The following CAPN2 variants were observed in gnomAD, a reference collection of about 807,000 sequenced individuals.
CAPN2 encodes calpain 2.
CAPN2 carries 92 observed loss-of-function variants against 102.3 expected under a neutral mutation model. That is an observed-to-expected ratio of 0.90 (90% CI 0.76 to 1.07). The LOEUF (loss-of-function observed/expected upper bound fraction) is 1.07. Ranked by LOEUF, CAPN2 falls within the 50% of genes least tolerant of loss-of-function variation. The probability of loss-of-function intolerance (pLI) is 0.00; values close to 1 mark genes in which losing one functional copy is unlikely to be tolerated. For synonymous variants in CAPN2, 340 were observed against 355.4 expected (o/e 0.96, Z 0.49); for missense variants, 800 against 909.4 (o/e 0.88, Z 1.55).
chr1:223,712,840 C>G lies in CAPN2; in HGVS notation c.200C>G (p.Ser67Cys), dbSNP rs759008507. The G allele has an allele frequency of 9.0e-6, 14 of 1,559,070 alleles. No homozygotes were observed. Among genetic ancestry groups the G allele is most frequent in the South Asian group, 1.2e-5 (1 of 83,926 alleles). Residue 67 changes from serine to cysteine, a missense_variant, in exon 1 of 21, where the codon TCC becomes TGC. Physicochemically the swap from Ser to Cys is moderately radical, Grantham distance 112. Transcript: ENST00000295006. The stretch of plus-strand genomic sequence containing the variant: ...GGCTTCAAGGAGTTGGGGCCCTACT[C>G]CAGCAAAACCCGGGGCATCGAGTGG... ...ALGFKELGPY[S>C]SKTRGIEWKR...
chr1:223,712,746 C>T lies in CAPN2; in HGVS notation c.106C>T (p.Arg36Trp), dbSNP rs1659768575. 2 of 1,586,284 alleles carry T rather than the reference C, an allele frequency of 1.3e-6. No individual in the cohort carries two copies. The highest frequency in any genetic ancestry group is 1.4e-5 in the African/African-American group (1 of 72,706). ...KYLNQDYEAL[R>W]NECLEAGTLF... ...CCTCAACCAGGACTACGAGGCGCTG[C>T]GGAACGAGTGCCTGGAGGCCGGGAC... The change falls in exon 1 of 21, where the codon CGG (arginine) becomes TGG (tryptophan). Residue 36 changes from arginine (R) to tryptophan (W), a missense_variant. Physicochemically the swap from Arg to Trp is moderately radical, Grantham distance 101. Coordinates refer to ENST00000295006, the MANE Select transcript of CAPN2 (RefSeq NM_001748.5).
chr1:223,712,786 C>G lies in CAPN2; in HGVS notation c.146C>G (p.Pro49Arg), dbSNP rs756397480. The G allele has an allele frequency of 3.2e-6, 5 of 1,578,686 alleles. No individual in the cohort carries two copies. In the African/African-American group the frequency reaches 4.2e-5, roughly 13 times the overall value. The change falls in exon 1 of 21, where the codon CCG (proline) becomes CGG (arginine). Residue 49 changes from proline (P) to arginine (R), a missense_variant. Transcript: ENST00000295006. ...GAGGCCGGGACGCTCTTCCAGGACC[C>G]GTCCTTCCCGGCCATCCCCTCGGCC... Reference protein sequence around the residue: ...CLEAGTLFQDPSFPAIPSALG... With the variant: ...CLEAGTLFQDRSFPAIPSALG...
chr1:223,717,417 G>A (rs1199535928), intron 1 of CAPN2, among the ~76,000 whole-genome samples: 1 of 152,192 alleles, frequency 6.6e-6, no homozygotes, highest in African/African-American at 2.4e-5. Context: ...CCAGTGGATA[G>A]GGTGGCTCTA....
At chr1:223,739,540 T>TC (rs560733217) in intron 2 of CAPN2, among the ~76,000 whole-genome samples, 67 of 151,892 alleles carry the variant, frequency 4.4e-4, no homozygotes, top group Non-Finnish European at 7.5e-4. Flanking sequence ...AACTGAACAT[T>TC]CCCCCCGGAG....
At chr1:223,737,925 A>G (rs1222142) in intron 2 of CAPN2, among the ~76,000 whole-genome samples, 123,779 of 151,928 alleles carry the variant, frequency 0.81, 52,363 homozygotes, top group South Asian at 0.94. Context: ...CTGTGCCCCC[A>G]GGGGAGCACA....
chr1:223,756,292 C>T lies in CAPN2; in HGVS notation c.1305+643C>T, dbSNP rs971357785. ...ACGCTGGGCCCCTGGGCTCTCCCCA[C>T]TCCCTTCTGCAAAACAAGAAAGAGC... On this transcript the variant is annotated intron_variant, in intron 10 of 20. Transcript: ENST00000295006. This position sits in a 1 kb window ranked among gnomAD's most constrained non-coding sequence, Gnocchi z 4.1. Among the ~76,000 whole-genome samples, 1 of 152,222 alleles carries T rather than the reference C, an allele frequency of 6.6e-6. No individual in the cohort carries two copies.
Position 223,754,149 on chromosome 1 carries a change from G to C in CAPN2, c.1135+1193G>C, listed in dbSNP as rs1301056217. Among the ~76,000 whole-genome samples, 5 of 152,226 alleles carry C rather than the reference G, an allele frequency of 3.3e-5. No individual in the cohort carries two copies. Among genetic ancestry groups the C allele is most frequent in the African/African-American group, 4.8e-5 (2 of 41,460 alleles). ...GAGTCACTGTGTAAGTACAGTGGCA[G>C]CAGATCATGGTCACATAGTGATTCT... On this transcript the variant is annotated intron_variant, in intron 9 of 20. Transcript: ENST00000295006. The surrounding 1 kb of genome is among the most constrained non-coding windows in gnomAD (Gnocchi z 4.7).
chr1:223,768,079 T>C (rs1661381900), intron 16 of CAPN2, among the ~76,000 whole-genome samples: 1 of 151,920 alleles, frequency 6.6e-6, no homozygotes. Context: ...CATTGTAGAT[T>C]CTGGATATTA....
chr1:223,736,161 C>A (rs1287404179), intron 2 of CAPN2, among the ~76,000 whole-genome samples: 1 of 152,170 alleles, frequency 6.6e-6, no homozygotes, highest in South Asian at 2.1e-4. Flanking sequence ...AGGGACCCCG[C>A]CTCTGGGATT....
chr1:223,705,718 T>C (rs1659588467), intron 1 of CAPN2, among the ~76,000 whole-genome samples: 1 of 152,200 alleles, frequency 6.6e-6, no homozygotes, highest in African/African-American at 2.4e-5. Context: ...CTGCTCTATA[T>C]TTGTTCCCTA....
At position 223,770,457 on chromosome 1, in the gene CAPN2, G is replaced by C; in HGVS notation, c.1835G>C (p.Arg612Pro). The C allele has an allele frequency of 6.2e-7, 1 of 1,613,116 alleles. No individual in the cohort carries two copies. Among genetic ancestry groups the C allele is most frequent in the Non-Finnish European group, 8.5e-7 (1 of 1,179,444 alleles). ...ACTTATGTGTTCCAGAAAATTTACC[G>C]AGAAATCGACGTTGACAGGTCTGGT... ...TKIQKYQKIY[R>P]EIDVDRSGTM... is the part of the protein sequence containing the mutation. The change falls in exon 18 of 21, where the codon CGA (arginine) becomes CCA (proline). Residue 612 changes from arginine (R) to proline (P), a missense_variant. Arg to Pro is a moderately radical substitution (Grantham distance 103). Transcript: ENST00000295006.
chr1:223,705,486 G>A (rs1160752673), intron 1 of CAPN2, among the ~76,000 whole-genome samples: 1 of 152,158 alleles, frequency 6.6e-6, no homozygotes, highest in Non-Finnish European at 1.5e-5. Context: ...AGGGACTTAG[G>A]GATGAAAAAA....
intron 20 of CAPN2, 21 bp from the exon 21 acceptor site, chr1:223,774,811 CTT>C: frequency 2.7e-6 from 4 of 1,485,236 alleles, no homozygotes; most frequent in Non-Finnish European, 3.7e-6. Context: ...ACTGAGCTGA[CTT>C]TTTTTTTTCC....
chr1:223,761,477 T>C, intron 12 of CAPN2, 104 bp from the exon 13 acceptor site: 1 of 499,202 alleles, frequency 2.0e-6, no homozygotes, highest in South Asian at 1.9e-5. Flanking sequence ...CCACCCCACC[T>C]ACCCCCTGCT....
At position 223,748,593 on chromosome 1, in the gene CAPN2, G is replaced by A. The variant is rs1441114839; in HGVS notation, c.730-446G>A. Among the ~76,000 whole-genome samples, 4 of 152,194 alleles carry A rather than the reference G, an allele frequency of 2.6e-5. No homozygotes were observed. The East Asian group carries it at 7.7e-4, about 29-fold the overall frequency. On this transcript the variant is annotated intron_variant, in intron 5 of 20. Coordinates refer to ENST00000295006, the MANE Select transcript of CAPN2 (RefSeq NM_001748.5). ...CATGGGCTGGTGGTGGGGCGAGGGTGTGCTCAGTGTCCCTGGGCCACTCAA... is the reference window on the plus strand; with the variant it reads ...CATGGGCTGGTGGTGGGGCGAGGGTATGCTCAGTGTCCCTGGGCCACTCAA...
intron 2 of CAPN2, among the ~76,000 whole-genome samples, chr1:223,722,658 T>G (rs961083462): frequency 6.6e-6 from 1 of 151,902 alleles, no homozygotes; most frequent in Non-Finnish European, 1.5e-5. Context: ...GTTAATAGAC[T>G]TTTTTTTAAG....
At position 223,754,818 on chromosome 1, in the gene CAPN2, G is replaced by A. The variant is rs956709809; in HGVS notation, c.1136-662G>A. ...TGGCCTCCGGGCTCACCGAGGGGGC[G>A]GCGACCGGCAAGTGCAGGGAGCAGA... is the stretch of plus-strand genomic sequence containing the variant. On this transcript the variant is annotated intron_variant, in intron 9 of 20. Coordinates refer to ENST00000295006, the MANE Select transcript of CAPN2 (RefSeq NM_001748.5). This position sits in a 1 kb window ranked among gnomAD's most constrained non-coding sequence, Gnocchi z 4.7. 2.0e-5 allele frequency among the ~76,000 whole-genome samples: 3 copies of A among 152,118 alleles called. No individual in the cohort carries two copies. Among genetic ancestry groups the A allele is most frequent in the African/African-American group, 4.8e-5 (2 of 41,408 alleles).
upstream of CAPN2, among the ~76,000 whole-genome samples, chr1:223,707,620 G>A (rs1659640634): frequency 6.6e-6 from 1 of 152,194 alleles, no homozygotes; most frequent in African/African-American, 2.4e-5. Flanking sequence ...AAATTTGGGT[G>A]GCATAGGACA....
intron 5 of CAPN2, 111 bp from the exon 6 acceptor site, chr1:223,748,928 G>T: frequency 2.1e-6 from 2 of 961,902 alleles, no homozygotes; most frequent in South Asian, 1.4e-5. Flanking sequence ...GGCCTCGGCC[G>T]CTGCGCTAGT....
Sources: allele counts gnomAD v4.1 joint callset (sites outside exome capture counted in the v4.1 genomes callset), GRCh38; gene constraint gnomAD v4.1.1; non-coding constraint Gnocchi (gnomAD v3.1); transcripts MANE v1.5; gene names NCBI Gene and HGNC (gene_info 2026-07-23, HGNC 2026-07-21).